Variants in NBEAL1 observed in about 807,000 individuals in gnomAD.
NBEAL1 encodes the protein neurobeachin-like protein 1.
In NBEAL1, 273 loss-of-function variants were observed where a neutral mutation model predicts 351.3. The observed-to-expected ratio is 0.78, with a 90% CI of 0.70 to 0.86. The LOEUF (loss-of-function observed/expected upper bound fraction) is 0.86, where lower values mean the gene tolerates loss of function less well. NBEAL1 is among the 40% of genes least tolerant of loss of function. NBEAL1 has a pLI of 0.00. For missense variants in NBEAL1, 2,961 were observed against 3,201.3 expected (o/e 0.92, Z 1.81); for synonymous variants, 1,050 against 1,086.4 (o/e 0.97, Z 0.66).
intron 10 of NBEAL1, among the ~76,000 whole-genome samples, chr2:203,094,409 A>AT (rs1405305598): frequency 1.3e-5 from 2 of 152,234 alleles, no homozygotes; most frequent in Non-Finnish European, 2.9e-5. Context: ...GTTTGTTAGT[A>AT]AAGAAATGAA....
chr2:203,115,823 T>A (rs960302929), intron 17 of NBEAL1, among the ~76,000 whole-genome samples, 162 bp from the exon 18 acceptor site: 1 of 152,344 alleles, frequency 6.6e-6, no homozygotes, highest in African/African-American at 2.4e-5. Context: ...AGGTTTTAGA[T>A]AAACTGGAAT....
intron 4 of NBEAL1, among the ~76,000 whole-genome samples, chr2:203,052,676 G>A (rs554725110): frequency 6.6e-6 from 1 of 152,022 alleles, no homozygotes; most frequent in Non-Finnish European, 1.5e-5. Flanking sequence ...TTCCACCTTA[G>A]CCTCTGAGTA....
At chr2:203,064,356 T>G (rs2061547795) in intron 6 of NBEAL1, among the ~76,000 whole-genome samples, 1 of 152,122 alleles carries the variant, frequency 6.6e-6, no homozygotes, top group Non-Finnish European at 1.5e-5. Flanking sequence ...CCCGGCCATG[T>G]GTATGGTTTT....
intron 8 of NBEAL1, among the ~76,000 whole-genome samples, chr2:203,082,036 A>G (rs1178040234): frequency 6.6e-6 from 1 of 152,236 alleles, no homozygotes; most frequent in Non-Finnish European, 1.5e-5. Flanking sequence ...GCAGTGAACC[A>G]TGATCATGTC....
intron 49 of NBEAL1, among the ~76,000 whole-genome samples, chr2:203,200,991 A>G (rs1256927413): frequency 6.6e-6 from 1 of 152,214 alleles, no homozygotes; most frequent in African/African-American, 2.4e-5. Context: ...CTGAGTTGCA[A>G]TCACTTGTCT....
intron 51 of NBEAL1, among the ~76,000 whole-genome samples, chr2:203,203,790 T>A (rs1466721468): frequency 6.6e-6 from 1 of 152,166 alleles, no homozygotes; most frequent in African/African-American, 2.4e-5. Flanking sequence ...CTACATTGGA[T>A]AAGGCTTTGT....
Position 203,122,321 on chromosome 2 carries a change from A to G in NBEAL1, c.2660A>G (p.Lys887Arg). ...TTGCATGGAAGATTAACAGGAAACA[A>G]AGTAGTGAACTGGGACATTAAGGTA... is the stretch of plus-strand genomic sequence containing the variant. ...NCLHGRLTGN[K>R]VVNWDIKDII... Residue 887 changes from lysine (K) to arginine (R), a missense_variant, in exon 19 of 56, where the codon AAA becomes AGA. By Grantham distance (26) the Lys-to-Arg change is conservative. Coordinates refer to ENST00000683969, the MANE Select transcript of NBEAL1 (RefSeq NM_001378026.1). The G allele has an allele frequency of 1.9e-6, 3 of 1,542,676 alleles. No homozygotes were observed. Among genetic ancestry groups the G allele is most frequent in the South Asian group, 2.4e-5 (2 of 82,068 alleles).
intron 6 of NBEAL1, among the ~76,000 whole-genome samples, chr2:203,057,827 T>C (rs563342521): frequency 2.0e-5 from 3 of 150,270 alleles, no homozygotes; most frequent in South Asian, 2.1e-4. Context: ...CTTTTTTCTT[T>C]TTTTTTTTTT....
At chr2:203,193,971 T>G in intron 47 of NBEAL1, 60 bp downstream of exon 47, 1 of 945,938 alleles carries the variant, frequency 1.1e-6, no homozygotes, top group African/African-American at 1.7e-5. Context: ...CATTTTAAAG[T>G]TCTTTTATTA....
intron 47 of NBEAL1, among the ~76,000 whole-genome samples, chr2:203,197,049 C>G (rs1323576689): frequency 6.6e-6 from 1 of 152,118 alleles, no homozygotes; most frequent in Non-Finnish European, 1.5e-5. Flanking sequence ...ATTATTGCTG[C>G]TCTTTGAAAT....
rs2062688484 is a variant in NBEAL1, at chr2:203,116,027, T to C, written c.2549T>C (p.Met850Thr). ...CCTTGGAAGTGTCAAGAGTCTGACATGGCCGACCTGCCTGGTAACATCCTT... is the reference window on the plus strand; with the variant it reads ...CCTTGGAAGTGTCAAGAGTCTGACACGGCCGACCTGCCTGGTAACATCCTT... ...LSPWKCQESD[M>T]ADLPGNILLY... The change falls in exon 18 of 56, where the codon ATG (methionine) becomes ACG (threonine). Residue 850 changes from methionine to threonine, a missense_variant. Met to Thr is a moderately conservative substitution (Grantham distance 81). Coordinates refer to ENST00000683969, the MANE Select transcript of NBEAL1 (RefSeq NM_001378026.1). The C allele has an allele frequency of 6.4e-7, 1 of 1,553,712 alleles. No homozygotes were observed. Among genetic ancestry groups the C allele is most frequent in the East Asian group, 2.4e-5 (1 of 41,514 alleles).
At chr2:203,025,835 C>T (rs1305474671) in intron 2 of NBEAL1, among the ~76,000 whole-genome samples, 1 of 152,122 alleles carries the variant, frequency 6.6e-6, no homozygotes, top group African/African-American at 2.4e-5. Context: ...AGTACCTGCC[C>T]TGGCTACTCT....
At chr2:203,152,073 TC>T (rs1454052734) in intron 35 of NBEAL1, among the ~76,000 whole-genome samples, 2 of 151,972 alleles carry the variant, frequency 1.3e-5, no homozygotes, top group African/African-American at 2.4e-5. Context: ...TTCTCATGCC[TC>T]AGCCTCCCAA....
chr2:203,174,216 CAAAAAA>C (rs10652390), intron 41 of NBEAL1, among the ~76,000 whole-genome samples: 28 of 24,608 alleles, frequency 1.1e-3, no homozygotes, highest in Non-Finnish European at 1.8e-3. Flanking sequence ...TTTATACTAG[CAAAAAA>C]AAAAAAAAAA....
chr2:203,041,780 C>T lies in NBEAL1; in HGVS notation c.67C>T (p.Leu23=). Residue 23 remains leucine, a synonymous_variant, in exon 3 of 56, where the codon CTG becomes TTG. Coordinates refer to ENST00000683969, the MANE Select transcript of NBEAL1 (RefSeq NM_001378026.1). The part of the protein sequence containing the change: ...LYCTKKDPDY[L]KLWLDTFVSS... ...GTTATTTCAGAAAGATCCAGATTACCTGAAGCTGTGGTTGGACACTTTTGT... is the reference window on the plus strand; with the variant it reads ...GTTATTTCAGAAAGATCCAGATTACTTGAAGCTGTGGTTGGACACTTTTGT... 6.4e-7 allele frequency: 1 copy of T among 1,552,698 alleles called. No homozygotes were observed.
intron 10 of NBEAL1, among the ~76,000 whole-genome samples, chr2:203,090,894 A>G (rs993582401): frequency 8.5e-5 from 13 of 152,072 alleles, no homozygotes; most frequent in African/African-American, 3.1e-4. Flanking sequence ...GTCTTAAGAA[A>G]AGAAAAGAAA....
intron 2 of NBEAL1, among the ~76,000 whole-genome samples, chr2:203,030,850 A>G (rs1262559843): frequency 6.6e-6 from 1 of 152,062 alleles, no homozygotes; most frequent in East Asian, 1.9e-4. Flanking sequence ...CTGTCTCTAC[A>G]AAAAAAATTC....
rs942718855 is a variant in NBEAL1 at position 203,037,249 on chromosome 2, G to T, written c.52-4516G>T. Among the ~76,000 whole-genome samples the T allele has an allele frequency of 8.7e-5, 13 of 149,018 alleles. 2 individuals are homozygous for T. Among genetic ancestry groups the T allele is most frequent in the Non-Finnish European group, 2.0e-4 (13 of 66,446 alleles). ...TAATGCTTTTATTTCGGGGAAATAA[G>T]TTCCTTGAGTTTCCTTTAACCAAGA... On this transcript the variant is annotated intron_variant, in intron 2 of 55. Coordinates refer to ENST00000683969, the MANE Select transcript of NBEAL1 (RefSeq NM_001378026.1).
At chr2:203,036,812 C>G (rs1254473254) in intron 2 of NBEAL1, among the ~76,000 whole-genome samples, 1 of 148,928 alleles carries the variant, frequency 6.7e-6, no homozygotes, top group African/African-American at 2.4e-5. Flanking sequence ...CTATAGAGTT[C>G]CTAAATAAAA....
Sources: gnomAD v4.1 joint callset for allele counts (sites outside exome capture counted in the v4.1 genomes callset) on GRCh38, gnomAD v4.1.1 for gene constraint, MANE v1.5 for transcripts, NCBI Gene and HGNC (gene_info 2026-07-23, HGNC 2026-07-21) for gene names.